Variants in KCNC2 observed in about 807,000 individuals in gnomAD.
The protein encoded by KCNC2 is voltage-gated potassium channel KCNC2.
In KCNC2, 21 loss-of-function variants were observed where a neutral mutation model predicts 44.5. That is an observed-to-expected ratio of 0.47 (90% CI 0.33 to 0.68). The LOEUF (loss-of-function observed/expected upper bound fraction) is 0.68, where lower values mean the gene tolerates loss of function less well. Ranked by LOEUF, KCNC2 falls within the 30% of genes least tolerant of loss-of-function variation. The pLI is 0.01. For synonymous variants in KCNC2, 391 were observed against 339.1 expected (o/e 1.15, Z -1.68); for missense variants, 589 against 826.2 (o/e 0.71, Z 3.52).
intron 2 of KCNC2, among the ~76,000 whole-genome samples, chr12:75,153,379 T>C (rs1366586737): frequency 1.3e-5 from 2 of 151,982 alleles, no homozygotes; most frequent in African/African-American, 4.8e-5. Flanking sequence ...CTCCCACAAA[T>C]ACTGCATATT....
intron 2 of KCNC2, among the ~76,000 whole-genome samples, chr12:75,183,755 T>A (rs559703956): frequency 6.6e-6 from 1 of 152,280 alleles, no homozygotes; most frequent in African/African-American, 2.4e-5. Context: ...TAAAAATCTG[T>A]TTTACCCTAG....
intron 2 of KCNC2, among the ~76,000 whole-genome samples, chr12:75,054,369 A>G (rs975949384): frequency 1.1e-4 from 16 of 152,248 alleles, no homozygotes; most frequent in African/African-American, 3.9e-4. Context: ...CAATAACATA[A>G]TAGAAATTTG....
intron 2 of KCNC2, among the ~76,000 whole-genome samples, chr12:75,154,295 A>G (rs1890611752): frequency 6.6e-6 from 1 of 152,036 alleles, no homozygotes; most frequent in Admixed American, 6.6e-5. Context: ...TTTGGATGAC[A>G]GCATTTGAAA....
intron 2 of KCNC2, among the ~76,000 whole-genome samples, chr12:75,175,020 A>T (rs73187116): frequency 0.082 from 12,499 of 152,010 alleles, 564 homozygotes; most frequent in Admixed American, 0.14. Flanking sequence ...ATGCCAAGGA[A>T]TCTGCTTCCT....
At chr12:75,092,566 T>C (rs964715075) in intron 2 of KCNC2, among the ~76,000 whole-genome samples, 6 of 151,664 alleles carry the variant, frequency 4.0e-5, no homozygotes, top group Non-Finnish European at 8.9e-5. Context: ...TGACAACTTA[T>C]ATAAATATCT....
intron 2 of KCNC2, among the ~76,000 whole-genome samples, chr12:75,089,907 C>T (rs182742669): frequency 3.9e-4 from 60 of 151,918 alleles, no homozygotes; most frequent in African/African-American, 1.4e-3. Flanking sequence ...AGATATAAAA[C>T]ATTTCCATCA....
intron 2 of KCNC2, among the ~76,000 whole-genome samples, chr12:75,084,751 C>A (rs1216572223): frequency 6.6e-6 from 1 of 151,776 alleles, no homozygotes; most frequent in Non-Finnish European, 1.5e-5. Context: ...GAAGTAATGG[C>A]CTTTAGATAA....
Position 75,083,575 on chromosome 12 carries a change from T to TAG in KCNC2, c.688-32259_688-32258insCT, listed in dbSNP as rs1237261147. Among the ~76,000 whole-genome samples the TAG allele has an allele frequency of 2.0e-5, 3 of 151,968 alleles. No homozygotes were observed. In the East Asian group the frequency reaches 5.8e-4, roughly 29 times the overall value. ...ACTAAAAATCTCCATCTTAGTTTCT[T>TAG]CACATAAAATTGGGCTACAAATAAT... On this transcript the variant is annotated intron_variant, in intron 2 of 4. Transcript: ENST00000549446.
At chr12:75,141,984 T>C (rs1889688472) in intron 2 of KCNC2, among the ~76,000 whole-genome samples, 1 of 152,162 alleles carries the variant, frequency 6.6e-6, no homozygotes, top group Non-Finnish European at 1.5e-5. Context: ...ATGAGGAAAT[T>C]AGGTCTTAGA....
chr12:75,098,203 C>T (rs1046003705), intron 2 of KCNC2, among the ~76,000 whole-genome samples: 1 of 152,070 alleles, frequency 6.6e-6, no homozygotes, highest in African/African-American at 2.4e-5. Context: ...AACACATTAT[C>T]AACATTTAAT....
At chr12:75,047,435 T>A (rs1287751997) in intron 4 of KCNC2, among the ~76,000 whole-genome samples, 1 of 152,078 alleles carries the variant, frequency 6.6e-6, no homozygotes, top group East Asian at 1.9e-4. Context: ...AAGATGCTCA[T>A]CCCACAATTT....
At chr12:75,154,312 C>T (rs574075310) in intron 2 of KCNC2, among the ~76,000 whole-genome samples, 1 of 152,088 alleles carries the variant, frequency 6.6e-6, no homozygotes, top group Admixed American at 6.6e-5. Flanking sequence ...GAAATACTGG[C>T]ATCTCAAACA....
intron 2 of KCNC2, among the ~76,000 whole-genome samples, chr12:75,200,435 A>G (rs1299579398): frequency 6.6e-6 from 1 of 151,752 alleles, no homozygotes; most frequent in Non-Finnish European, 1.5e-5. Context: ...CTAATATAAT[A>G]TATATTTTGG....
intron 2 of KCNC2, among the ~76,000 whole-genome samples, chr12:75,107,989 G>C (rs541378822): frequency 6.6e-6 from 1 of 152,136 alleles, no homozygotes; most frequent in Non-Finnish European, 1.5e-5. Context: ...AACAAGTACA[G>C]TGTTTAAAAA....
rs1369249190 is a variant in KCNC2, at chr12:75,209,638, A to T, written c.-451T>A. On this transcript the variant is annotated 5_prime_UTR_variant, in exon 1 of 5. An upstream start codon of the reference 5' UTR is lost. Coordinates refer to ENST00000549446, the MANE Select transcript of KCNC2 (RefSeq NM_139137.4). The stretch of plus-strand genomic sequence containing the variant: ...GGTGAAGTCGCCCTGCTCGGATTCC[A>T]TCTGCAGATTTTGTTTCTCCCCCAA... The T allele has an allele frequency of 6.6e-6, 1 of 152,410 alleles. No homozygotes were observed. 9.4% of individuals were successfully genotyped at this position (152,410 alleles called of 1,614,324 possible).
At chr12:75,083,910 T>C (rs1479610562) in intron 2 of KCNC2, among the ~76,000 whole-genome samples, 1 of 151,978 alleles carries the variant, frequency 6.6e-6, no homozygotes, top group African/African-American at 2.4e-5. Context: ...TAACTTTCAA[T>C]AAACTCAAGG....
intron 2 of KCNC2, among the ~76,000 whole-genome samples, chr12:75,198,650 A>G (rs549070347): frequency 6.6e-6 from 1 of 151,982 alleles, no homozygotes; most frequent in South Asian, 2.1e-4. Context: ...TACTGCAATG[A>G]TTATTATGCC....
chr12:75,173,432 G>T (rs1356985476), intron 2 of KCNC2, among the ~76,000 whole-genome samples: 1 of 151,730 alleles, frequency 6.6e-6, no homozygotes, highest in East Asian at 1.9e-4. Flanking sequence ...TTCCAGATTT[G>T]GGCCTGTAAA....
intron 2 of KCNC2, among the ~76,000 whole-genome samples, chr12:75,142,281 T>C (rs923989181): frequency 1.8e-4 from 28 of 152,110 alleles, no homozygotes; most frequent in African/African-American, 6.0e-4. Context: ...GATAAGACAA[T>C]TGTGGTCCCA....
Sources: gnomAD v4.1 joint callset for allele counts (sites outside exome capture counted in the v4.1 genomes callset) on GRCh38, gnomAD v4.1.1 for gene constraint, MANE v1.5 for transcripts, NCBI Gene and HGNC (gene_info 2026-07-23, HGNC 2026-07-21) for gene names.